CNTN1: variants seen among roughly 807,000 people sequenced by gnomAD.
CNTN1 encodes the protein contactin 1, also known as contactin-1.
Under a neutral mutation model 126.4 loss-of-function variants are expected in CNTN1, and 38 were observed. The observed-to-expected ratio is 0.30, with a 90% CI of 0.23 to 0.39. The LOEUF is 0.39. Ranked by LOEUF, CNTN1 falls within the 10% of genes least tolerant of loss-of-function variation. The pLI, the probability that CNTN1 is intolerant of heterozygous loss-of-function variation, is 1.00. For synonymous variants in CNTN1, 413 were observed against 422.6 expected (o/e 0.98, Z 0.28); for missense variants, 1,009 against 1,248.4 (o/e 0.81, Z 2.89).
chr12:40,778,117 A>G (rs1379738595), intron 1 of CNTN1, among the ~76,000 whole-genome samples: 1 of 151,840 alleles, frequency 6.6e-6, no homozygotes, highest in Non-Finnish European at 1.5e-5. Context: ...CTATTTTTTT[A>G]ATAACTCAGG....
intron 4 of CNTN1, among the ~76,000 whole-genome samples, chr12:40,920,673 C>T (rs557780173): frequency 3.9e-5 from 6 of 152,254 alleles, no homozygotes; most frequent in Non-Finnish European, 7.4e-5. Flanking sequence ...GTAGCATGTT[C>T]TGGGACAACG....
chr12:40,746,653 T>TGTGCATGTA (rs1252021286), intron 1 of CNTN1, among the ~76,000 whole-genome samples: 1 of 152,070 alleles, frequency 6.6e-6, no homozygotes, highest in African/African-American at 2.4e-5. Context: ...ATTTTTCCCT[T>TGTGCATGTA]GGGGTGGACC....
At chr12:40,829,313 C>T (rs1313367342) in intron 1 of CNTN1, among the ~76,000 whole-genome samples, 1 of 151,726 alleles carries the variant, frequency 6.6e-6, no homozygotes, top group East Asian at 1.9e-4. Flanking sequence ...TATATATGCA[C>T]ACACATACAT....
chr12:40,909,258 C>T (rs1183766504), intron 2 of CNTN1, among the ~76,000 whole-genome samples: 1 of 151,956 alleles, frequency 6.6e-6, no homozygotes, highest in Non-Finnish European at 1.5e-5. Flanking sequence ...AAGTGTGAAG[C>T]ATTCAGACCT....
At chr12:40,993,876 C>A (rs767452558) in intron 17 of CNTN1, among the ~76,000 whole-genome samples, 3 of 152,050 alleles carry the variant, frequency 2.0e-5, no homozygotes, top group Non-Finnish European at 4.4e-5. Context: ...GTGAGCATAT[C>A]ACTTCTAGAT....
intron 1 of CNTN1, among the ~76,000 whole-genome samples, chr12:40,862,143 G>A (rs1943135023): frequency 6.6e-6 from 1 of 151,660 alleles, no homozygotes; most frequent in Non-Finnish European, 1.5e-5. Flanking sequence ...GTTTGAGGTT[G>A]CAGTGACCTA....
At chr12:40,765,014 G>A (rs544051353) in intron 1 of CNTN1, among the ~76,000 whole-genome samples, 85 of 151,804 alleles carry the variant, frequency 5.6e-4, no homozygotes, top group African/African-American at 1.9e-3. Flanking sequence ...ATAAGCACTT[G>A]AAAATAATGT....
At chr12:41,040,039 G>C (rs1307777669) in intron 23 of CNTN1, among the ~76,000 whole-genome samples, 1 of 151,936 alleles carries the variant, frequency 6.6e-6, no homozygotes, top group African/African-American at 2.4e-5. Context: ...TCATTCTAAG[G>C]CTTGTTCCCT....
chr12:41,024,851 T>A (rs1264389471), intron 20 of CNTN1, among the ~76,000 whole-genome samples: 1 of 152,214 alleles, frequency 6.6e-6, no homozygotes, highest in East Asian at 1.9e-4. Flanking sequence ...ATTTTGAAAG[T>A]AAGTCTGCTT....
chr12:40,737,487 G>A (rs1470608832), intron 1 of CNTN1, among the ~76,000 whole-genome samples: 1 of 151,138 alleles, frequency 6.6e-6, no homozygotes, highest in African/African-American at 2.4e-5. Context: ...TGAAGAACCT[G>A]GAGTCCGATG....
intron 23 of CNTN1, among the ~76,000 whole-genome samples, chr12:41,057,163 A>ATATTTAGATATTTATAAATATTT (rs1566236168): frequency 1.4e-5 from 2 of 141,842 alleles, no homozygotes; most frequent in Non-Finnish European, 3.1e-5. Context: ...TATAAATATT[A>ATATTTAGATATTTATAAATATTT]AGATATTTAT....
intron 1 of CNTN1, among the ~76,000 whole-genome samples, chr12:40,860,120 C>T (rs1368291254): frequency 1.3e-5 from 2 of 152,030 alleles, no homozygotes; most frequent in Admixed American, 6.6e-5. Context: ...GATTTTTAAA[C>T]TCATTAGGCT....
At chr12:40,996,455 A>G (rs1302759739) in intron 17 of CNTN1, among the ~76,000 whole-genome samples, 2 of 152,166 alleles carry the variant, frequency 1.3e-5, no homozygotes, top group African/African-American at 4.8e-5. Context: ...TTTCATTTCT[A>G]AATGGGAATC....
intron 9 of CNTN1, among the ~76,000 whole-genome samples, chr12:40,935,305 C>T (rs960702275): frequency 6.6e-6 from 1 of 151,980 alleles, no homozygotes; most frequent in Non-Finnish European, 1.5e-5. Flanking sequence ...AGCTTATAGA[C>T]CTGTTTTTAT....
rs964015974 is a variant in CNTN1 at position 40,816,189 on chromosome 12, C to T, written c.-76-92168C>T. ...TAAAATGAGTTAGGGAGGAGTCCCT[C>T]CTTTTCAATTGTTTGGAATAGTTTC... On this transcript the variant is annotated intron_variant, in intron 1 of 23. Transcript: ENST00000551295. 2.6e-5 allele frequency among the ~76,000 whole-genome samples: 4 copies of T among 152,134 alleles called. No homozygotes were observed. In the South Asian group the frequency reaches 8.3e-4, roughly 31 times the overall value.
At position 40,925,588 on chromosome 12, in the gene CNTN1, CAT is replaced by C. The variant is rs1491589049; in HGVS notation, c.496+937_496+938del. On this transcript the variant is annotated intron_variant, in intron 6 of 23. Transcript: ENST00000551295. ...ATATATACGTATATACGTATATATA[CAT>C]GTATATATATATATACGTGTATATA... 2.2e-3 allele frequency among the ~76,000 whole-genome samples: 279 copies of C among 125,738 alleles called. 4 individuals carry two copies. Among genetic ancestry groups the C allele is most frequent in the African/African-American group, 7.8e-3 (258 of 33,060 alleles). 82.5% of individuals were successfully genotyped at this position (125,738 alleles called of 152,430 possible). A position where few individuals can be genotyped will look rare whatever the true frequency, so the allele number is the denominator to read the frequency against.
intron 17 of CNTN1, among the ~76,000 whole-genome samples, chr12:41,008,575 T>C (rs1948563527): frequency 6.6e-6 from 1 of 152,218 alleles, no homozygotes; most frequent in Admixed American, 6.5e-5. Flanking sequence ...CTGCAATTAA[T>C]TCCTTCACAG....
intron 1 of CNTN1, among the ~76,000 whole-genome samples, chr12:40,868,663 C>T (rs1437867804): frequency 1.3e-5 from 2 of 152,104 alleles, no homozygotes; most frequent in Non-Finnish European, 2.9e-5. Context: ...TGCACCTGCT[C>T]CCTCTGGGTG....
intron 1 of CNTN1, among the ~76,000 whole-genome samples, chr12:40,756,010 T>G (rs1354376584): frequency 6.6e-6 from 1 of 152,122 alleles, no homozygotes; most frequent in Admixed American, 6.5e-5. Context: ...TTATATGGTG[T>G]GTTTTGTTTT....
Sources: gnomAD v4.1 joint callset for allele counts (sites outside exome capture counted in the v4.1 genomes callset) on GRCh38, gnomAD v4.1.1 for gene constraint, MANE v1.5 for transcripts, NCBI Gene and HGNC (gene_info 2026-07-23, HGNC 2026-07-21) for gene names.